The following MAP3K7CL variants were observed in gnomAD, a reference collection of about 807,000 sequenced individuals.
MAP3K7CL encodes MAP3K7 C-terminal-like protein.
In MAP3K7CL, 16 loss-of-function variants were observed where a neutral mutation model predicts 18.6. That is an observed-to-expected ratio of 0.86 (90% CI 0.58 to 1.31). The LOEUF is 1.31. Among genes scored for constraint, MAP3K7CL ranks in the 50% most tolerant of loss-of-function variants. The pLI is 0.00. For synonymous variants in MAP3K7CL, 65 were observed against 66.8 expected (o/e 0.97, Z 0.13); for missense variants, 163 against 174.4 (o/e 0.93, Z 0.37).
At chr21:29,109,262 A>T in intron 4 of MAP3K7CL, 2 of 1,533,752 alleles carry the variant, frequency 1.3e-6, no homozygotes, top group Non-Finnish European at 1.7e-6. Flanking sequence ...ATACAACCAG[A>T]TAGTGCATGT....
intron 4 of MAP3K7CL, among the ~76,000 whole-genome samples, chr21:29,120,725 C>A (rs1445210982): frequency 6.7e-6 from 1 of 149,086 alleles, no homozygotes; most frequent in Admixed American, 6.7e-5. Context: ...TTCTCTCTTT[C>A]TTTTCCTTCC....
chr21:29,087,424 C>G (rs953939745), intron 1 of MAP3K7CL, among the ~76,000 whole-genome samples: 8 of 152,040 alleles, frequency 5.3e-5, no homozygotes, highest in Admixed American at 2.0e-4. Context: ...GTTCCCAGTT[C>G]TCAGAACAGT....
At chr21:29,138,345 G>C (rs531026308) in intron 2 of MAP3K7CL, among the ~76,000 whole-genome samples, 1 of 152,082 alleles carries the variant, frequency 6.6e-6, no homozygotes. Flanking sequence ...TCAAAGAGTC[G>C]AAACTTCCTA....
At position 29,133,320 on chromosome 21, in the gene MAP3K7CL, A is replaced by G. The variant is rs1169257804; in HGVS notation, c.-25A>G. 1.9e-6 allele frequency: 3 copies of G among 1,550,266 alleles called. No homozygotes were observed. The African/African-American group carries it at 4.1e-5, about 21-fold the overall frequency. On this transcript the variant is annotated 5_prime_UTR_variant, in exon 2 of 5. Transcript: ENST00000399928. ...TGCTGTCACAGCTGGAAGACCCAGG[A>G]GAAGGCGGAGGCTCAGGTGCCCACA...
At chr21:29,113,398 C>T (rs191001098) in intron 4 of MAP3K7CL, among the ~76,000 whole-genome samples, 1 of 152,200 alleles carries the variant, frequency 6.6e-6, no homozygotes, top group Non-Finnish European at 1.5e-5. Flanking sequence ...TGAATTTGGA[C>T]TTCCTTCACT....
At chr21:29,173,727 G>A (rs968793580) in intron 4 of MAP3K7CL, among the ~76,000 whole-genome samples, 4 of 152,038 alleles carry the variant, frequency 2.6e-5, no homozygotes, top group Non-Finnish European at 4.4e-5. Context: ...TTTGAGACAG[G>A]ATCTCACTCT....
chr21:29,143,484 G>C (rs372343078), intron 2 of MAP3K7CL, among the ~76,000 whole-genome samples: 3 of 151,518 alleles, frequency 2.0e-5, no homozygotes, highest in African/African-American at 4.9e-5. Flanking sequence ...GTACAGTTGC[G>C]CAATCTCGGC....
intron 2 of MAP3K7CL, among the ~76,000 whole-genome samples, chr21:29,148,485 G>A (rs2087195316): frequency 6.6e-6 from 1 of 152,148 alleles, no homozygotes. Flanking sequence ...ATGCTTCTTA[G>A]AACTGCATCT....
intron 3 of MAP3K7CL, among the ~76,000 whole-genome samples, chr21:29,151,933 A>G (rs937459544): frequency 4.6e-5 from 7 of 152,288 alleles, no homozygotes; most frequent in African/African-American, 1.7e-4. Context: ...TTTCATCTTC[A>G]TTGATCTTTA....
chr21:29,093,786 C>T (rs28715615), intron 4 of MAP3K7CL, among the ~76,000 whole-genome samples: 45,062 of 151,828 alleles, frequency 0.3, 6,872 homozygotes, highest in African/African-American at 0.37. Context: ...CCACCGCGCC[C>T]GGCCGAGAAG....
intron 4 of MAP3K7CL, among the ~76,000 whole-genome samples, chr21:29,123,522 G>T (rs894331428): frequency 6.6e-6 from 1 of 152,168 alleles, no homozygotes; most frequent in Non-Finnish European, 1.5e-5. Context: ...GTGTAACTTT[G>T]GGAACTCTAT....
chr21:29,145,740 G>T (rs573455228), intron 2 of MAP3K7CL: 1 of 152,234 alleles, frequency 6.6e-6, no homozygotes, highest in Admixed American at 6.5e-5. Context: ...TGGTTTTCTT[G>T]TTTCCGCTGC....
chr21:29,092,949 G>A (rs899644843), intron 4 of MAP3K7CL, among the ~76,000 whole-genome samples: 1 of 152,190 alleles, frequency 6.6e-6, no homozygotes, highest in African/African-American at 2.4e-5. Context: ...TGTCACCCAG[G>A]CTGGAGTGCA....
upstream of MAP3K7CL, among the ~76,000 whole-genome samples, chr21:29,084,189 G>A (rs1397508224): frequency 1.3e-5 from 2 of 151,646 alleles, no homozygotes; most frequent in Non-Finnish European, 2.9e-5. Flanking sequence ...TTAGAAGGAA[G>A]AATTTATAAT....
chr21:29,110,736 A>G (rs2086404513), intron 4 of MAP3K7CL, among the ~76,000 whole-genome samples: 1 of 152,092 alleles, frequency 6.6e-6, no homozygotes, highest in Non-Finnish European at 1.5e-5. Context: ...GGTAGTTCCT[A>G]AACTTCATGT....
intron 4 of MAP3K7CL, among the ~76,000 whole-genome samples, chr21:29,097,766 C>T (rs1571680): frequency 0.68 from 102,912 of 151,998 alleles, 35,624 homozygotes; most frequent in South Asian, 0.81. Context: ...GGCTTACTGA[C>T]TAATGTTATA....
chr21:29,147,172 G>A (rs2087146264), intron 2 of MAP3K7CL, among the ~76,000 whole-genome samples: 1 of 151,998 alleles, frequency 6.6e-6, no homozygotes. Context: ...TACTGTATAT[G>A]CATAGTATGT....
intron 2 of MAP3K7CL, among the ~76,000 whole-genome samples, chr21:29,141,533 G>A (rs11330686): frequency 0.12 from 10,331 of 86,500 alleles, 848 homozygotes; most frequent in African/African-American, 0.24. Context: ...AAAAAAAAAA[G>A]AGAGAAATTG....
At chr21:29,083,108 G>C (rs1268238233), upstream of MAP3K7CL, among the ~76,000 whole-genome samples, 1 of 152,080 alleles carries the variant, frequency 6.6e-6, no homozygotes, top group African/African-American at 2.4e-5. Context: ...CATGATATTG[G>C]TCCTTTCTAA....
Sources: allele counts gnomAD v4.1 joint callset (sites outside exome capture counted in the v4.1 genomes callset), GRCh38; gene constraint gnomAD v4.1.1; transcripts MANE v1.5; gene names NCBI Gene and HGNC (gene_info 2026-07-23, HGNC 2026-07-21).